IL1RAPL1: variants seen among roughly 807,000 people sequenced by gnomAD.
The protein encoded by IL1RAPL1 is interleukin 1 receptor accessory protein like 1, also known as interleukin-1 receptor accessory protein-like 1.
Under a neutral mutation model 48.4 loss-of-function variants are expected in IL1RAPL1, and 3 were observed. The ratio of observed to expected loss-of-function variants is 0.06; its 90% CI spans 0.03 to 0.16. The LOEUF (loss-of-function observed/expected upper bound fraction) is 0.16, where lower values mean the gene tolerates loss of function less well. Among genes scored for constraint, IL1RAPL1 ranks in the 10% least tolerant of loss-of-function variants. IL1RAPL1 has a pLI of 1.00. For missense variants in IL1RAPL1, 349 were observed against 530.6 expected (o/e 0.66, Z 3.36); for synonymous variants, 185 against 187.7 (o/e 0.99, Z 0.12).
intron 5 of IL1RAPL1, among the ~76,000 whole-genome samples, chrX:29,420,748 T>C (rs1934281236): frequency 8.9e-6 from 1 of 112,746 alleles, no homozygotes; most frequent in South Asian, 3.6e-4. Flanking sequence ...AAATATATGC[T>C]ATTGTAGATA....
rs182195868 is a variant in IL1RAPL1 at position 28,733,569 on chromosome X, G to A, written c.-24-55751G>A. On this transcript the variant is annotated intron_variant, in intron 1 of 10. Coordinates refer to ENST00000378993, the MANE Select transcript of IL1RAPL1 (RefSeq NM_014271.4). ...ATTTATCACCTACTTCTTTGATGAT[G>A]TACTGTCTTCACTTGTCTTTCAGAA... Among the ~76,000 whole-genome samples the A allele has an allele frequency of 3.6e-5, 4 of 111,461 alleles. No homozygotes were observed. The East Asian group carries it at 1.1e-3, about 32-fold the overall frequency.
At chrX:29,433,932 A>G (rs1411006876) in intron 5 of IL1RAPL1, among the ~76,000 whole-genome samples, 6 of 110,014 alleles carry the variant, frequency 5.5e-5, no homozygotes, top group Non-Finnish European at 5.7e-5. Context: ...TGGGAACTGT[A>G]TAGGGCTCTG....
chrX:29,760,862 TTCAG>T (rs927699051), intron 6 of IL1RAPL1, among the ~76,000 whole-genome samples: 3 of 112,123 alleles, frequency 2.7e-5, no homozygotes, highest in African/African-American at 6.5e-5. Context: ...TAATGAATTA[TTCAG>T]TCATTCAACA....
At chrX:29,064,682 C>T (rs1231650078) in intron 2 of IL1RAPL1, among the ~76,000 whole-genome samples, 23 of 110,949 alleles carry the variant, frequency 2.1e-4, no homozygotes, top group African/African-American at 6.6e-4. Context: ...CCCGGGTTCA[C>T]GCCATTCTCC....
intron 3 of IL1RAPL1, among the ~76,000 whole-genome samples, chrX:29,299,751 A>G (rs1285788578): frequency 1.8e-5 from 2 of 112,253 alleles, no homozygotes; most frequent in African/African-American, 6.5e-5. Context: ...TCTTATCCAC[A>G]TTAAGTTTGT....
At chrX:28,849,687 A>G (rs1458528214) in intron 2 of IL1RAPL1, among the ~76,000 whole-genome samples, 1 of 111,924 alleles carries the variant, frequency 8.9e-6, no homozygotes, top group African/African-American at 3.2e-5. Context: ...GACAATCTGC[A>G]GTATCAAAGC....
At position 28,646,299 on chromosome X, in the gene IL1RAPL1, G is replaced by A. The variant is rs1934609200; in HGVS notation, c.-25+58252G>A. Among the ~76,000 whole-genome samples the A allele has an allele frequency of 5.4e-5, 6 of 111,904 alleles. No homozygotes were observed. In the South Asian group the frequency reaches 1.1e-3, roughly 21 times the overall value. On this transcript the variant is annotated intron_variant, in intron 1 of 10. Coordinates refer to ENST00000378993, the MANE Select transcript of IL1RAPL1 (RefSeq NM_014271.4). ...GGCCTCCCATGATCTGACAGTAGGC[G>A]GAGCTCAGACTGTAATGCTTAATAC... is the stretch of plus-strand genomic sequence containing the variant.
At chrX:29,256,221 AGCTTCCTACATCTTCCT>A (rs1931755976) in intron 2 of IL1RAPL1, among the ~76,000 whole-genome samples, 1 of 111,427 alleles carries the variant, frequency 9.0e-6, no homozygotes, top group Admixed American at 9.6e-5. Context: ...CTCCTTTAAA[AGCTTCCTACATCTTCCT>A]GAAAATATAT....
chrX:29,466,971 A>G (rs925628154), intron 5 of IL1RAPL1, among the ~76,000 whole-genome samples: 2 of 110,811 alleles, frequency 1.8e-5, no homozygotes, highest in Non-Finnish European at 3.8e-5. Flanking sequence ...CTGAAACCCT[A>G]CCCCAAACCT....
chrX:29,836,125 A>G (rs1481063135), intron 6 of IL1RAPL1, among the ~76,000 whole-genome samples: 2 of 109,474 alleles, frequency 1.8e-5, no homozygotes, highest in African/African-American at 6.7e-5. Flanking sequence ...ATTTATTGCT[A>G]AAAACTTTTA....
At chrX:29,074,296 T>C (rs1381200584) in intron 2 of IL1RAPL1, among the ~76,000 whole-genome samples, 1 of 111,557 alleles carries the variant, frequency 9.0e-6, no homozygotes, top group Non-Finnish European at 1.9e-5. Context: ...GTTGTGGCGA[T>C]GGATGGCCTA....
rs1355136065 is a variant in IL1RAPL1, at chrX:29,418,114, TATA to T, written c.703+18807_703+18809del. 5.4e-3 allele frequency among the ~76,000 whole-genome samples: 276 copies of T among 50,914 alleles called. 3 individuals are homozygous for T. The highest frequency in any genetic ancestry group is 0.019 in the Middle Eastern group (1 of 54). The allele number at this position is 50,914 out of a possible 115,157, so 44.2% of individuals were successfully genotyped here. A position where few individuals can be genotyped will look rare whatever the true frequency, so the allele number is the denominator to read the frequency against. On this transcript the variant is annotated intron_variant, in intron 5 of 10. Transcript: ENST00000378993. ...TAATATATATATATATATATATATA[TATA>T]TATATATATTTTTTTTTTTTTTTTT...
At chrX:28,656,296 C>T (rs1361122623) in intron 1 of IL1RAPL1, among the ~76,000 whole-genome samples, 1 of 111,145 alleles carries the variant, frequency 9.0e-6, no homozygotes, top group Non-Finnish European at 1.9e-5. Flanking sequence ...TGTGCTGAGC[C>T]ACTTTGCTGC....
At chrX:29,661,538 G>A (rs757107737) in intron 5 of IL1RAPL1, among the ~76,000 whole-genome samples, 15 of 112,151 alleles carry the variant, frequency 1.3e-4, no homozygotes, top group Non-Finnish European at 2.4e-4. Flanking sequence ...CCCTTTGGGG[G>A]ATCACAAGGA....
chrX:29,155,098 C>G (rs904318142), intron 2 of IL1RAPL1, among the ~76,000 whole-genome samples: 4 of 109,464 alleles, frequency 3.7e-5, no homozygotes, highest in African/African-American at 1.3e-4. Context: ...ACCTCCGCCT[C>G]CTGGGCTCAA....
chrX:29,428,910 C>A (rs904335312), intron 5 of IL1RAPL1, among the ~76,000 whole-genome samples: 9 of 111,894 alleles, frequency 8.0e-5, no homozygotes, highest in Admixed American at 2.9e-4. Flanking sequence ...TTTAACTTCC[C>A]AAAATTGAAC....
intron 3 of IL1RAPL1, among the ~76,000 whole-genome samples, chrX:29,285,492 A>T (rs1278039636): frequency 1.2e-5 from 1 of 83,361 alleles, no homozygotes; most frequent in Non-Finnish European, 2.2e-5. Context: ...AGATCGCGCC[A>T]TTGCACTGGC....
chrX:28,724,593 A>G (rs1241543728), intron 1 of IL1RAPL1, among the ~76,000 whole-genome samples: 1 of 111,383 alleles, frequency 9.0e-6, no homozygotes, highest in African/African-American at 3.3e-5. Context: ...TAGCCCATTT[A>G]CATTTAAGGT....
At chrX:29,005,044 A>G (rs1346746559) in intron 2 of IL1RAPL1, among the ~76,000 whole-genome samples, 1 of 111,899 alleles carries the variant, frequency 8.9e-6, no homozygotes. Context: ...GCATTGAACT[A>G]TGAATTAATA....
Sources: allele counts gnomAD v4.1 joint callset (sites outside exome capture counted in the v4.1 genomes callset), GRCh38; gene constraint gnomAD v4.1.1; transcripts MANE v1.5; gene names NCBI Gene and HGNC (gene_info 2026-07-23, HGNC 2026-07-21).